FBXO34: variants seen among roughly 807,000 people sequenced by gnomAD.
The protein encoded by FBXO34 is F-box protein 34, also known as F-box only protein 34.
FBXO34 carries 12 observed loss-of-function variants against 24.5 expected under a neutral mutation model. The ratio of observed to expected loss-of-function variants is 0.49; its 90% CI spans 0.31 to 0.79. The LOEUF (loss-of-function observed/expected upper bound fraction) is 0.79. Ranked by LOEUF, FBXO34 falls within the 30% of genes least tolerant of loss-of-function variation. The pLI is 0.04. For missense variants in FBXO34, 823 were observed against 857.7 expected (o/e 0.96, Z 0.51); for synonymous variants, 320 against 311.9 (o/e 1.03, Z -0.27).
chr14:55,356,457 G>A (rs1884524195), downstream of FBXO34, among the ~76,000 whole-genome samples: 1 of 152,030 alleles, frequency 6.6e-6, no homozygotes, highest in Non-Finnish European at 1.5e-5. Flanking sequence ...GGGTTGGTTT[G>A]TTTGTTTTGA....
At chr14:55,271,817 C>T (rs1229460816) in intron 1 of FBXO34, 1 of 151,582 alleles carries the variant, frequency 6.6e-6, no homozygotes, top group Non-Finnish European at 1.5e-5. Context: ...TCCTGGGTCC[C>T]CGCTGAAGCC....
intron 1 of FBXO34, among the ~76,000 whole-genome samples, chr14:55,316,976 A>G (rs543321502): frequency 1.3e-5 from 2 of 152,352 alleles, no homozygotes; most frequent in East Asian, 3.9e-4. Context: ...ATATGCAAGT[A>G]CGGCTTATCA....
Position 55,352,453 on chromosome 14 carries a change from T to A in FBXO34, c.2063T>A (p.Val688Asp). 6.2e-7 allele frequency: 1 copy of A among 1,614,076 alleles called. No homozygotes were observed. The highest frequency in any genetic ancestry group is 8.5e-7 in the Non-Finnish European group (1 of 1,179,972). ...CKLGLHDNHW[V>D]PACHSFNRAI... ...CTGGGGCTTCATGACAATCACTGGG[T>A]TCCTGCCTGCCACAGCTTTAATCGG... is the stretch of plus-strand genomic sequence containing the variant. The change falls in exon 2 of 2, where the codon GTT (valine) becomes GAT (aspartate). Residue 688 changes from valine to aspartate, a missense_variant. Val to Asp is a radical substitution (Grantham distance 152). Coordinates refer to ENST00000313833, the MANE Select transcript of FBXO34 (RefSeq NM_017943.4).
chr14:55,393,340 G>A, the FBXO34 span, among the ~76,000 whole-genome samples: 86 of 151,716 alleles, frequency 5.7e-4, no homozygotes, highest in Non-Finnish European at 1.1e-3. Context: ...AGCCGAGATC[G>A]CGCCACTGCA....
chr14:55,378,039 A>G, the FBXO34 span: 4 of 1,613,082 alleles, frequency 2.5e-6, no homozygotes, highest in Non-Finnish European at 3.4e-6. Context: ...TGCTCGAGTA[A>G]ATTTCTGCTT....
At chr14:55,323,863 G>A (rs563677666) in intron 1 of FBXO34, among the ~76,000 whole-genome samples, 24 of 152,148 alleles carry the variant, frequency 1.6e-4, no homozygotes, top group African/African-American at 3.6e-4. Flanking sequence ...AGCCCATTTT[G>A]GGAGTTGTTA....
chr14:55,283,617 A>G (rs1207342234), intron 1 of FBXO34, among the ~76,000 whole-genome samples: 1 of 151,730 alleles, frequency 6.6e-6, no homozygotes, highest in African/African-American at 2.4e-5. Context: ...GGAGCCAACC[A>G]CCATGCCCGA....
At chr14:55,366,083 GC>G (rs371928621), downstream of FBXO34, among the ~76,000 whole-genome samples, 122 of 152,250 alleles carry the variant, frequency 8.0e-4, no homozygotes, top group African/African-American at 2.8e-3. Context: ...GAGGCCTTCT[GC>G]CCCAGGGGTC....
the FBXO34 span, among the ~76,000 whole-genome samples, chr14:55,376,472 G>A: frequency 1.3e-5 from 2 of 152,168 alleles, no homozygotes; most frequent in Non-Finnish European, 2.9e-5. Flanking sequence ...CTGTAAAATG[G>A]CACAACATTG....
At chr14:55,324,821 T>C (rs1208314790) in intron 1 of FBXO34, among the ~76,000 whole-genome samples, 1 of 152,216 alleles carries the variant, frequency 6.6e-6, no homozygotes. Flanking sequence ...GCTGCTATTA[T>C]AGAACACCAT....
At chr14:55,428,721 C>T in the FBXO34 span, 5 of 1,332,966 alleles carry the variant, frequency 3.8e-6, no homozygotes, top group Non-Finnish European at 5.1e-6. Flanking sequence ...ATCACAATTT[C>T]TCTGAAAGAT....
downstream of FBXO34, among the ~76,000 whole-genome samples, chr14:55,364,161 C>G (rs1884630884): frequency 6.6e-6 from 1 of 152,008 alleles, no homozygotes; most frequent in Non-Finnish European, 1.5e-5. Flanking sequence ...GTTGGTCAGG[C>G]TGGTCTTGAA....
At chr14:55,297,708 C>G (rs1452314596) in intron 1 of FBXO34, among the ~76,000 whole-genome samples, 2 of 152,078 alleles carry the variant, frequency 1.3e-5, no homozygotes, top group African/African-American at 2.4e-5. Flanking sequence ...TGTGTATGTG[C>G]AAATATTTTC....
intron 1 of FBXO34, among the ~76,000 whole-genome samples, chr14:55,294,837 T>C (rs979923197): frequency 2.6e-5 from 4 of 152,162 alleles, no homozygotes; most frequent in Non-Finnish European, 5.9e-5. Flanking sequence ...GTGAAGTTGC[T>C]TTCAGTGGTG....
At chr14:55,404,745 G>GTA in the FBXO34 span, among the ~76,000 whole-genome samples, 1 of 152,098 alleles carries the variant, frequency 6.6e-6, no homozygotes, top group Non-Finnish European at 1.5e-5. Flanking sequence ...AGCGCAATCT[G>GTA]TATAACAAAA....
chr14:55,319,359 T>A (rs1566553608), intron 1 of FBXO34, among the ~76,000 whole-genome samples: 2 of 152,206 alleles, frequency 1.3e-5, no homozygotes, highest in African/African-American at 4.8e-5. Context: ...TTTTTAAAAA[T>A]CCAGTATACA....
At chr14:55,371,387 C>T (rs1408481152), downstream of FBXO34, among the ~76,000 whole-genome samples, 3 of 152,154 alleles carry the variant, frequency 2.0e-5, no homozygotes, top group African/African-American at 7.2e-5. Context: ...CTGTGCTTCC[C>T]AGATGGATTA....
At chr14:55,416,611 CAGATTT>C in the FBXO34 span, among the ~76,000 whole-genome samples, 1 of 152,086 alleles carries the variant, frequency 6.6e-6, no homozygotes, top group Non-Finnish European at 1.5e-5. Flanking sequence ...CAAGTTTCAG[CAGATTT>C]TTAGTTCCAG....
intron 1 of FBXO34, among the ~76,000 whole-genome samples, chr14:55,340,208 G>A (rs1883945040): frequency 6.6e-6 from 1 of 151,938 alleles, no homozygotes; most frequent in Non-Finnish European, 1.5e-5. Flanking sequence ...AAACTCTTTT[G>A]CTTGGTGCAC....
Sources: allele counts gnomAD v4.1 joint callset (sites outside exome capture counted in the v4.1 genomes callset), GRCh38; gene constraint gnomAD v4.1.1; transcripts MANE v1.5; gene names NCBI Gene and HGNC (gene_info 2026-07-23, HGNC 2026-07-21).